Variants in SNX25 observed in about 807,000 individuals in gnomAD.
SNX25 encodes sorting nexin 25.
A neutral mutation model predicts 113.7 loss-of-function variants in SNX25; 62 were observed. That is an observed-to-expected ratio of 0.55 (90% confidence interval 0.44 to 0.67). The LOEUF is 0.67. Ranked by LOEUF, SNX25 falls within the 30% of genes least tolerant of loss-of-function variation. The pLI, the probability that SNX25 is intolerant of heterozygous loss-of-function variation, is 0.00. For missense variants in SNX25, 1,014 were observed against 1,161.0 expected, an observed-to-expected ratio of 0.87 and a Z score of 1.84; for synonymous variants, 421 against 436.2, an observed-to-expected ratio of 0.97 and a Z score of 0.43.
At position 185,265,370 on chromosome 4, in the gene SNX25, A is replaced by G. The variant is rs555207513; in HGVS notation, c.904+760A>G. On this transcript the variant is annotated intron_variant, in intron 4 of 18. Transcript: ENST00000652585. The stretch of plus-strand genomic sequence containing the variant: ...TCCTAGACTATAAACCTTATACCAT[A>G]TTACTGTACTGAATACTGTAGGCAA... Among the ~76,000 whole-genome samples the G allele has an allele frequency of 4.6e-5, 7 of 152,336 alleles. No homozygotes were observed. In the East Asian group the frequency reaches 1.4e-3, roughly 29 times the overall value.
chr4:185,351,838 G>A (rs1183657075), intron 14 of SNX25, among the ~76,000 whole-genome samples: 1 of 151,456 alleles, frequency 6.6e-6, no homozygotes, highest in Non-Finnish European at 1.5e-5. Flanking sequence ...AGGAAGTTCT[G>A]CAGGAGCCCC....
chr4:185,250,069 A>G (rs778874862), intron 2 of SNX25, among the ~76,000 whole-genome samples: 14 of 152,052 alleles, frequency 9.2e-5, no homozygotes, highest in East Asian at 1.9e-4. Context: ...AGATTCTTTT[A>G]TCTTCCTCTG....
At chr4:185,364,883 C>T (rs948727804), downstream of SNX25, 2 of 152,188 alleles carry the variant, frequency 1.3e-5, no homozygotes, top group Non-Finnish European at 2.9e-5. Flanking sequence ...ATCATTTAAA[C>T]TGTAGCTGTT....
intron 3 of SNX25, among the ~76,000 whole-genome samples, chr4:185,263,654 A>T (rs1302894172): frequency 6.6e-6 from 1 of 152,196 alleles, no homozygotes; most frequent in East Asian, 1.9e-4. Context: ...TGCAGTACCT[A>T]GTATGTTTCT....
rs191361687 is a variant in SNX25 at position 185,210,536 on chromosome 4, C to G, written c.429+281C>G. Reference sequence around the variant, plus strand: ...TCGACAACCATCCTCAGTCACAACCCTAAGGGTGTCCCCAGACCTTCGGTG... The same window carrying G: ...TCGACAACCATCCTCAGTCACAACCGTAAGGGTGTCCCCAGACCTTCGGTG... On this transcript the variant is annotated intron_variant, in intron 1 of 18. Transcript: ENST00000652585. The surrounding 1 kb of genome is among the most constrained non-coding windows in gnomAD (Gnocchi z 4.4). Among the ~76,000 whole-genome samples the G allele has an allele frequency of 2.6e-5, 4 of 152,338 alleles. No individual in the cohort carries two copies. In the East Asian group the frequency reaches 7.7e-4, roughly 29 times the overall value.
At chr4:185,328,394 A>G (rs1342709175) in intron 9 of SNX25, among the ~76,000 whole-genome samples, 1 of 152,208 alleles carries the variant, frequency 6.6e-6, no homozygotes, top group Non-Finnish European at 1.5e-5. Context: ...AAGGAGCCCC[A>G]GGCCACCAGG....
chr4:185,315,782 AC>A (rs1334020400), intron 7 of SNX25, among the ~76,000 whole-genome samples: 1 of 152,254 alleles, frequency 6.6e-6, no homozygotes, highest in Non-Finnish European at 1.5e-5. Flanking sequence ...AAAGTCCTTA[AC>A]AAAAATACTG....
At chr4:185,321,331 C>T (rs187684323) in intron 8 of SNX25, among the ~76,000 whole-genome samples, 2 of 149,668 alleles carry the variant, frequency 1.3e-5, no homozygotes, top group Admixed American at 1.3e-4. Flanking sequence ...GGGGCGATCT[C>T]GGCTCACTGC....
intron 6 of SNX25, among the ~76,000 whole-genome samples, chr4:185,300,937 A>T (rs1753591123): frequency 6.6e-6 from 1 of 151,100 alleles, no homozygotes; most frequent in African/African-American, 2.4e-5. Flanking sequence ...GTTTTATTAT[A>T]CTGTTGGGGC....
intron 13 of SNX25, among the ~76,000 whole-genome samples, chr4:185,351,136 TGTAAA>T (rs752765220): frequency 3.3e-4 from 50 of 152,336 alleles, no homozygotes; most frequent in Non-Finnish European, 6.8e-4. Flanking sequence ...ATCTGTGAGC[TGTAAA>T]GTAAGAATTT....
chr4:185,296,532 T>G (rs1374413064), intron 6 of SNX25, among the ~76,000 whole-genome samples: 1 of 152,152 alleles, frequency 6.6e-6, no homozygotes, highest in East Asian at 1.9e-4. Context: ...ATTTTGGTCT[T>G]TTAAAGAAAT....
At chr4:185,316,255 G>A (rs188744005) in intron 7 of SNX25, among the ~76,000 whole-genome samples, 41 of 152,166 alleles carry the variant, frequency 2.7e-4, no homozygotes, top group South Asian at 8.3e-4. Flanking sequence ...GTTGTCTTTC[G>A]TGATTCAGAA....
At position 185,363,607 on chromosome 4, in the gene SNX25, G is replaced by C; in HGVS notation, c.*142G>C. Reference sequence around the variant, plus strand: ...CCTCTAGTTTTATGTGAAATTAGTAGAATCAGGGAGGACGGGACTTATGCT... The same window carrying C: ...CCTCTAGTTTTATGTGAAATTAGTACAATCAGGGAGGACGGGACTTATGCT... On this transcript the variant is annotated 3_prime_UTR_variant, in exon 19 of 19. Coordinates refer to ENST00000652585, the MANE Select transcript of SNX25 (RefSeq NM_001378034.2). The surrounding 1 kb of genome is among the most constrained non-coding windows in gnomAD (Gnocchi z 4.2). 1.4e-6 allele frequency: 1 copy of C among 710,014 alleles called. No individual in the cohort carries two copies. Among genetic ancestry groups the C allele is most frequent in the Non-Finnish European group, 2.3e-6 (1 of 433,808 alleles). The allele number at this position is 710,014 out of a possible 1,614,324, so 44.0% of individuals were successfully genotyped here.
Position 185,362,697 on chromosome 4 carries a change from A to G in SNX25, c.2920A>G (p.Lys974Glu). Residue 974 changes from lysine (K) to glutamate (E), a missense_variant, in exon 18 of 19, where the codon AAG (lysine) becomes GAG (glutamate). By Grantham distance (56) the Lys-to-Glu change is moderately conservative. Transcript: ENST00000652585. ...TGCACTGCAAGAAACAAGAGCCAAC[A>G]AGCATCTGTTATATGTGAGTAAATT... ...FNALQETRAN[K>E]HLLYALMELL... 6.2e-7 allele frequency: 1 copy of G among 1,613,986 alleles called. No homozygotes were observed. The highest frequency in any genetic ancestry group is 2.2e-5 in the East Asian group (1 of 44,878).
intron 2 of SNX25, among the ~76,000 whole-genome samples, chr4:185,253,473 CTT>C (rs1189589905): frequency 2.1e-5 from 3 of 142,878 alleles, no homozygotes; most frequent in Non-Finnish European, 3.1e-5. Context: ...TTCTTTTCTT[CTT>C]TTTTTTTTTT....
chr4:185,272,047 C>G (rs1012438757), intron 5 of SNX25, among the ~76,000 whole-genome samples: 1 of 152,064 alleles, frequency 6.6e-6, no homozygotes, highest in Non-Finnish European at 1.5e-5. Context: ...GTCTTCTTTT[C>G]TGGATGCAGG....
In SNX25 at chr4:185,241,447, C is replaced by T. The variant is rs551462510; in HGVS notation, c.430-5847C>T. On this transcript the variant is annotated intron_variant, in intron 1 of 18. Coordinates refer to ENST00000652585, the MANE Select transcript of SNX25 (RefSeq NM_001378034.2). ...GCAGCAGTACAGTCCAGCTTTGGCT[C>T]GGCATCGGGGAGACCGTGGAAAGAG... Among the ~76,000 whole-genome samples the T allele has an allele frequency of 2.1e-4, 25 of 118,956 alleles. 3 individuals are homozygous for T. The highest frequency in any genetic ancestry group is 1.8e-3 in the South Asian group (6 of 3,294). 78.0% of individuals were successfully genotyped at this position (118,956 alleles called of 152,430 possible). A position where few individuals can be genotyped will look rare whatever the true frequency, so the allele number is the denominator to read the frequency against.
chr4:185,368,918 C>T (rs998871916), downstream of SNX25, among the ~76,000 whole-genome samples: 6 of 151,702 alleles, frequency 4.0e-5, no homozygotes, highest in African/African-American at 1.5e-4. Context: ...CTCAGCCTCC[C>T]GAGTAGCTGG....
At chr4:185,239,084 G>A (rs1485243778) in intron 1 of SNX25, among the ~76,000 whole-genome samples, 1 of 152,110 alleles carries the variant, frequency 6.6e-6, no homozygotes, top group African/African-American at 2.4e-5. Flanking sequence ...AGCGCATTAC[G>A]GCTGGTACTC....
Sources: gnomAD v4.1 joint callset for allele counts (sites outside exome capture counted in the v4.1 genomes callset) on GRCh38, gnomAD v4.1.1 for gene constraint, Gnocchi (gnomAD v3.1) non-coding constraint, MANE v1.5 for transcripts, NCBI Gene and HGNC (gene_info 2026-07-23, HGNC 2026-07-21) for gene names.